Variants in USP53 observed in about 807,000 individuals in gnomAD.
USP53 encodes the protein ubiquitin specific peptidase 53.
A neutral mutation model predicts 94.9 loss-of-function variants in USP53; 71 were observed. The ratio of observed to expected loss-of-function variants is 0.75; its 90% CI spans 0.62 to 0.91. USP53 has a LOEUF of 0.91. Ranked by LOEUF, USP53 falls within the 40% of genes least tolerant of loss-of-function variation. The pLI, the probability that USP53 is intolerant of heterozygous loss-of-function variation, is 0.00. For missense variants in USP53, 1,173 were observed against 1,281.0 expected (o/e 0.92, Z 1.29); for synonymous variants, 375 against 422.7 (o/e 0.89, Z 1.39).
chr4:119,260,710 ATCCTGATGT>A, intron 11 of USP53, 57 bp downstream of exon 11: 1 of 1,584,122 alleles, frequency 6.3e-7, no homozygotes, highest in Non-Finnish European at 8.6e-7. Context: ...CTAAAACATC[ATCCTGATGT>A]TTTATCTGAT....
chr4:119,245,079 G>C (rs1015547690), intron 5 of USP53, among the ~76,000 whole-genome samples: 3 of 152,036 alleles, frequency 2.0e-5, no homozygotes, highest in African/African-American at 4.8e-5. Context: ...GTTTTTCCCT[G>C]CTCCATGCTT....
At chr4:119,283,913 CCTTCAGGAAAA>C (rs945392996) in intron 17 of USP53, among the ~76,000 whole-genome samples, 2 of 151,736 alleles carry the variant, frequency 1.3e-5, no homozygotes, top group African/African-American at 4.8e-5. Flanking sequence ...CAGACAGGAT[CCTTCAGGAAAA>C]TTGGAGATCG....
intron 7 of USP53, among the ~76,000 whole-genome samples, chr4:119,251,976 A>G (rs1749068642): frequency 6.6e-6 from 1 of 152,112 alleles, no homozygotes; most frequent in Admixed American, 6.5e-5. Context: ...CCTTTTCTGT[A>G]TCTATTGAAA....
chr4:119,226,685 T>G (rs1439737853), intron 3 of USP53, among the ~76,000 whole-genome samples: 2 of 152,180 alleles, frequency 1.3e-5, no homozygotes, highest in Non-Finnish European at 2.9e-5. Flanking sequence ...TTATTTTTTT[T>G]GAAAGAGTGT....
chr4:119,254,400 T>C (rs189037130), intron 7 of USP53, among the ~76,000 whole-genome samples: 411 of 152,348 alleles, frequency 2.7e-3, no homozygotes, highest in Middle Eastern at 0.01. Flanking sequence ...CCCATATTTC[T>C]TGGAGGCTTC....
chr4:119,237,559 A>C (rs80234651), intron 4 of USP53, among the ~76,000 whole-genome samples: 1 of 93,676 alleles, frequency 1.1e-5, no homozygotes, highest in Non-Finnish European at 2.6e-5. Flanking sequence ...ATAATTAAAA[A>C]AAAAAAAGAC....
rs1746780825 is a variant in USP53 at position 119,236,488 on chromosome 4, C to T, written c.-543+1077C>T. Among the ~76,000 whole-genome samples the T allele has an allele frequency of 2.0e-5, 3 of 152,216 alleles. No individual in the cohort carries two copies. The South Asian group carries it at 6.2e-4, about 32-fold the overall frequency. On this transcript the variant is annotated intron_variant, in intron 4 of 18. Coordinates refer to ENST00000692078, the MANE Select transcript of USP53 (RefSeq NM_001371395.1). Reference sequence around the variant, plus strand: ...AAAGATTCCTCTGTAGCATGTGACACTGTTTGATAGCATATTCCCCACCAC... The same window carrying T: ...AAAGATTCCTCTGTAGCATGTGACATTGTTTGATAGCATATTCCCCACCAC...
chr4:119,243,956 A>G (rs1747891699), intron 5 of USP53, among the ~76,000 whole-genome samples: 1 of 152,188 alleles, frequency 6.6e-6, no homozygotes, highest in Non-Finnish European at 1.5e-5. Flanking sequence ...CCTAAGAGGT[A>G]AGTACTACAT....
intron 17 of USP53, among the ~76,000 whole-genome samples, chr4:119,274,617 T>C (rs1752348209): frequency 6.6e-6 from 1 of 150,632 alleles, no homozygotes; most frequent in Non-Finnish European, 1.5e-5. Flanking sequence ...TACCCAGTAA[T>C]GGGATGGCTG....
At chr4:119,213,660 A>ATATATATATATATATGTGTGTGTGTG in intron 1 of USP53, among the ~76,000 whole-genome samples, 1 of 117,792 alleles carries the variant, frequency 8.5e-6, no homozygotes, top group African/African-American at 3.6e-5. Flanking sequence ...ATATATATAT[A>ATATATATATATATATGTGTGTGTGTG]TGTGTGTGTG....
rs570596516 is a variant in USP53 at position 119,295,419 on chromosome 4, G to A, written c.*2208G>A. ...TTTGTAAATATTTCAGCCAACAGTT[G>A]TAATGTTTAAAATACTTACCTTCAG... On this transcript the variant is annotated 3_prime_UTR_variant, in exon 19 of 19. Coordinates refer to ENST00000692078, the MANE Select transcript of USP53 (RefSeq NM_001371395.1). 7.2e-5 allele frequency: 11 copies of A among 152,158 alleles called. No individual in the cohort carries two copies. Among genetic ancestry groups the A allele is most frequent in the Middle Eastern group, 3.4e-3 (1 of 294 alleles). 9.4% of individuals were successfully genotyped at this position (152,158 alleles called of 1,614,324 possible).
At chr4:119,268,671 A>G (rs1196458710) in intron 14 of USP53, among the ~76,000 whole-genome samples, 1 of 152,250 alleles carries the variant, frequency 6.6e-6, no homozygotes, top group Non-Finnish European at 1.5e-5. Context: ...GACAGTTACC[A>G]AATAAAGCAA....
chr4:119,233,186 T>C (rs1025008972), intron 3 of USP53, among the ~76,000 whole-genome samples: 2 of 149,252 alleles, frequency 1.3e-5, no homozygotes, highest in African/African-American at 4.9e-5. Flanking sequence ...TTTTTTTTTT[T>C]AATCTTAATC....
At chr4:119,283,569 A>C (rs536265904) in intron 17 of USP53, among the ~76,000 whole-genome samples, 8 of 152,038 alleles carry the variant, frequency 5.3e-5, no homozygotes, top group Admixed American at 4.6e-4. Context: ...AGTTGGGGGC[A>C]GTACCAATGT....
intron 9 of USP53, 143 bp from the exon 10 acceptor site, chr4:119,259,677 G>T: frequency 1.8e-6 from 1 of 551,098 alleles, no homozygotes; most frequent in East Asian, 3.2e-5. Flanking sequence ...TTATGGAAAT[G>T]TACTTTATGG....
At chr4:119,229,906 C>T (rs886963114) in intron 3 of USP53, among the ~76,000 whole-genome samples, 6 of 152,058 alleles carry the variant, frequency 3.9e-5, no homozygotes, top group African/African-American at 1.5e-4. Flanking sequence ...ATGATCTGAC[C>T]CCTGGTTCTG....
intron 7 of USP53, 59 bp from the exon 8 acceptor site, chr4:119,256,187 A>G (rs1047736158): frequency 3.2e-6 from 4 of 1,254,896 alleles, no homozygotes; most frequent in Admixed American, 4.1e-5. Context: ...AAAGAGTTAT[A>G]TTTTGCTGTG....
chr4:119,278,243 T>A (rs1215115433), intron 17 of USP53, among the ~76,000 whole-genome samples: 1 of 151,150 alleles, frequency 6.6e-6, no homozygotes. Flanking sequence ...TGGTACCGGT[T>A]GTTCCTTTCC....
At chr4:119,279,384 C>T (rs1309275861) in intron 17 of USP53, among the ~76,000 whole-genome samples, 24 of 150,050 alleles carry the variant, frequency 1.6e-4, no homozygotes, top group Middle Eastern at 3.5e-3. Context: ...TGTGCCCCTG[C>T]TGGGGGGTGC....
Sources: allele counts gnomAD v4.1 joint callset (sites outside exome capture counted in the v4.1 genomes callset), GRCh38; gene constraint gnomAD v4.1.1; transcripts MANE v1.5; gene names NCBI Gene and HGNC (gene_info 2026-07-23, HGNC 2026-07-21).